ZMYM2: variants seen among roughly 807,000 people sequenced by gnomAD.
The protein encoded by ZMYM2 is zinc finger MYM-type protein 2.
A neutral mutation model predicts 162.8 loss-of-function variants in ZMYM2; 56 were observed. That is an observed-to-expected ratio of 0.34 (90% confidence interval 0.28 to 0.43). The LOEUF is 0.43. ZMYM2 is among the 20% of genes least tolerant of loss of function. The pLI is 1.00. For synonymous variants in ZMYM2, 510 were observed against 541.6 expected, an observed-to-expected ratio of 0.94 and a Z score of 0.81; for missense variants, 1,275 against 1,621.8, an observed-to-expected ratio of 0.79 and a Z score of 3.67.
In ZMYM2 at chr13:19,993,879, C is replaced by T. The variant is rs374884303; in HGVS notation, c.807C>T (p.Asp269=). The change falls in exon 3 of 25, where the codon GAC becomes GAT. Residue 269 remains aspartate (D), a synonymous_variant. Coordinates refer to ENST00000610343, the MANE Select transcript of ZMYM2 (RefSeq NM_197968.4). ...CTGGTAGAATGAATGTGGCAGGAGA[C>T]GTTTTTCAGAATGGAGAATCTGCAA... ...FNPGRMNVAG[D]VFQNGESATH... is the part of the protein sequence containing the mutation. 3.0e-4 allele frequency: 477 copies of T among 1,613,584 alleles called. 1 individual carries two copies. Among genetic ancestry groups the T allele is most frequent in the Non-Finnish European group, 3.5e-4 (418 of 1,179,804 alleles).
chr13:19,958,319 C>T (rs1302002466), upstream of ZMYM2, among the ~76,000 whole-genome samples: 2 of 152,128 alleles, frequency 1.3e-5, no homozygotes, highest in East Asian at 3.9e-4. Context: ...GGCCTGGGCG[C>T]CCGGGCTCGG....
rs374700875 is a variant in ZMYM2 at position 20,062,907 on chromosome 13, A to G, written c.2973A>G (p.Thr991=). ...SDLLKNSDPE[T]QSSMPDVPYE... ...TTTTGAAGAACTCTGACCCAGAGAC[A>G]CAGTCCAGCATGCCTGATGTACCAT... Residue 991 remains threonine, a synonymous_variant, in exon 18 of 25, where the codon ACA becomes ACG. Transcript: ENST00000610343. 4.4e-6 allele frequency: 7 copies of G among 1,601,426 alleles called. No individual in the cohort carries two copies. The African/African-American group carries it at 9.4e-5, about 21-fold the overall frequency.
At chr13:19,894,826 C>T in the ZMYM2 span, among the ~76,000 whole-genome samples, 3 of 151,716 alleles carry the variant, frequency 2.0e-5, no homozygotes, top group Admixed American at 2.0e-4. Context: ...CGCAGTGGCT[C>T]ACGCCTGTAA....
At chr13:19,925,656 T>C in the ZMYM2 span, among the ~76,000 whole-genome samples, 2 of 151,940 alleles carry the variant, frequency 1.3e-5, no homozygotes. Flanking sequence ...GTGGATCACT[T>C]GAGGTCAGGA....
At chr13:20,037,657 T>C (rs1426228577) in intron 12 of ZMYM2, among the ~76,000 whole-genome samples, 1 of 152,190 alleles carries the variant, frequency 6.6e-6, no homozygotes, top group South Asian at 2.1e-4. Flanking sequence ...ACTTTAAAAT[T>C]GAAAAGAACA....
chr13:19,884,481 G>A, the ZMYM2 span, among the ~76,000 whole-genome samples: 1 of 152,106 alleles, frequency 6.6e-6, no homozygotes, highest in African/African-American at 2.4e-5. Context: ...GGGAGGCCGA[G>A]GCAGGAAAAT....
At chr13:20,034,230 C>A (rs955437776) in intron 10 of ZMYM2, 24 bp from the exon 11 acceptor site, 1 of 1,280,980 alleles carries the variant, frequency 7.8e-7, no homozygotes, top group South Asian at 1.5e-5. Context: ...CATATACTTA[C>A]CAAGGTTCCC....
chr13:19,955,154 A>G (rs1593979031), upstream of ZMYM2, among the ~76,000 whole-genome samples: 1 of 151,230 alleles, frequency 6.6e-6, no homozygotes, highest in East Asian at 1.9e-4. Context: ...TATTATTATT[A>G]TTATTATTAT....
At chr13:19,867,915 T>C in the ZMYM2 span, among the ~76,000 whole-genome samples, 1 of 152,202 alleles carries the variant, frequency 6.6e-6, no homozygotes, top group Admixed American at 6.6e-5. Context: ...CGTAAGCCAC[T>C]GCACCCAGCC....
intron 3 of ZMYM2, among the ~76,000 whole-genome samples, chr13:19,997,966 G>GA (rs1325343763): frequency 6.6e-6 from 1 of 152,022 alleles, no homozygotes; most frequent in African/African-American, 2.4e-5. Flanking sequence ...TACATCTTGG[G>GA]ATACTTACTT....
chr13:19,890,441 T>C, the ZMYM2 span, among the ~76,000 whole-genome samples: 1 of 140,254 alleles, frequency 7.1e-6, no homozygotes, highest in Non-Finnish European at 1.5e-5. Flanking sequence ...GTGTTAGGAT[T>C]AAGGGCATGA....
chr13:19,891,742 A>G, the ZMYM2 span, among the ~76,000 whole-genome samples: 1 of 151,642 alleles, frequency 6.6e-6, no homozygotes, highest in Non-Finnish European at 1.5e-5. Flanking sequence ...GCACCACTGT[A>G]CTCCAGCCTG....
Position 20,002,918 on chromosome 13 carries a change from C to T in ZMYM2, c.916C>T (p.Pro306Ser). The T allele has an allele frequency of 6.2e-7, 1 of 1,614,176 alleles. No homozygotes were observed. The highest frequency in any genetic ancestry group is 8.5e-7 in the Non-Finnish European group (1 of 1,180,028). ...QKQPGVDSLSPVASLPKQIFQ... is the reference protein window; with the variant it reads ...QKQPGVDSLSSVASLPKQIFQ... ...ACAACCAGGGGTGGACTCTTTATCA[C>T]CAGTGGCCTCACTTCCTAAACAGAT... Residue 306 changes from proline to serine, a missense_variant, in exon 4 of 25, where the codon CCA (proline) becomes TCA (serine). Physicochemically the swap from Pro to Ser is moderately conservative, Grantham distance 74. Coordinates refer to ENST00000610343, the MANE Select transcript of ZMYM2 (RefSeq NM_197968.4).
the ZMYM2 span, among the ~76,000 whole-genome samples, chr13:19,884,417 G>C: frequency 6.6e-6 from 1 of 152,000 alleles, no homozygotes; most frequent in Non-Finnish European, 1.5e-5. Context: ...TATGACTAAC[G>C]ATACAAAAAA....
intron 2 of ZMYM2, among the ~76,000 whole-genome samples, chr13:19,976,571 T>C (rs1956814775): frequency 6.6e-6 from 1 of 152,170 alleles, no homozygotes; most frequent in South Asian, 2.1e-4. Flanking sequence ...TCCCCAATTA[T>C]CTCTTCCTCC....
chr13:20,016,302 G>A (rs188880079), intron 6 of ZMYM2, among the ~76,000 whole-genome samples: 102 of 151,986 alleles, frequency 6.7e-4, no homozygotes, highest in Non-Finnish European at 1.3e-3. Flanking sequence ...CCCTCTTTTT[G>A]TTATAGATTA....
At chr13:19,939,799 A>G in the ZMYM2 span, among the ~76,000 whole-genome samples, 2 of 152,214 alleles carry the variant, frequency 1.3e-5, no homozygotes, top group African/African-American at 4.8e-5. Context: ...TACCAGAACT[A>G]TAGTAAGCAC....
At chr13:19,973,477 C>T (rs865872795) in intron 2 of ZMYM2, among the ~76,000 whole-genome samples, 6 of 151,808 alleles carry the variant, frequency 4.0e-5, no homozygotes, top group African/African-American at 1.4e-4. Context: ...TCAAGACCAG[C>T]CTGGCCAACA....
At chr13:20,083,629 A>T (rs760725430) in intron 23 of ZMYM2, 27 bp from the exon 24 acceptor site, 2 of 1,445,276 alleles carry the variant, frequency 1.4e-6, no homozygotes, top group Non-Finnish European at 1.9e-6. Flanking sequence ...TTAGTTTAGG[A>T]GGTTTATTTC....
Sources: gnomAD v4.1 joint callset for allele counts (sites outside exome capture counted in the v4.1 genomes callset) on GRCh38, gnomAD v4.1.1 for gene constraint, MANE v1.5 for transcripts, NCBI Gene and HGNC (gene_info 2026-07-23, HGNC 2026-07-21) for gene names.